Variants in CATSPERB observed in about 807,000 individuals in gnomAD.
The protein encoded by CATSPERB is catsper channel auxiliary subunit beta.
Under a neutral mutation model 128.3 loss-of-function variants are expected in CATSPERB, and 93 were observed. The ratio of observed to expected loss-of-function variants is 0.72; its 90% CI spans 0.61 to 0.86. The LOEUF (loss-of-function observed/expected upper bound fraction) is 0.86, where lower values mean the gene tolerates loss of function less well. Among genes scored for constraint, CATSPERB ranks in the 40% least tolerant of loss-of-function variants. The pLI, the probability that CATSPERB is intolerant of heterozygous loss-of-function variation, is 0.00. For synonymous variants in CATSPERB, 381 were observed against 448.8 expected (o/e 0.85, Z 1.91); for missense variants, 1,153 against 1,329.5 (o/e 0.87, Z 2.06).
chr14:91,679,956 C>T (rs533778616), intron 11 of CATSPERB, among the ~76,000 whole-genome samples: 147 of 152,260 alleles, frequency 9.7e-4, no homozygotes, highest in African/African-American at 3.4e-3. Flanking sequence ...CTAAAGAAGA[C>T]GCTGACTCTG....
At chr14:91,673,364 T>TC (rs982629636) in intron 12 of CATSPERB, among the ~76,000 whole-genome samples, 5 of 152,088 alleles carry the variant, frequency 3.3e-5, no homozygotes, top group Admixed American at 6.6e-5. Flanking sequence ...TCTGTGTAAA[T>TC]CCCCCAATTT....
chr14:91,706,525 A>G (rs1402618369), intron 6 of CATSPERB, among the ~76,000 whole-genome samples: 1 of 152,184 alleles, frequency 6.6e-6, no homozygotes, highest in Non-Finnish European at 1.5e-5. Context: ...CAGAAAAGTG[A>G]CCAATATGAA....
rs763416846 is a variant in CATSPERB, at chr14:91,693,249, A to G, written c.713-5T>C. On this transcript the variant is annotated splice_polypyrimidine_tract_variant and splice_region_variant and intron_variant, in intron 8 of 26. Coordinates refer to ENST00000256343, the MANE Select transcript of CATSPERB (RefSeq NM_024764.4). ...CCAATGAAAGGTCTTCATATTCTAAACGAAGAAATCATACCATGGATTAAA... is the reference window on the plus strand; with the variant it reads ...CCAATGAAAGGTCTTCATATTCTAAGCGAAGAAATCATACCATGGATTAAA... 1 of 1,602,114 alleles carries G rather than the reference A, an allele frequency of 6.2e-7. No individual in the cohort carries two copies. Among genetic ancestry groups the G allele is most frequent in the African/African-American group, 1.3e-5 (1 of 74,572 alleles).
intron 1 of CATSPERB, among the ~76,000 whole-genome samples, chr14:91,730,150 T>C (rs1157759350): frequency 2.6e-5 from 4 of 152,188 alleles, no homozygotes; most frequent in African/African-American, 4.8e-5. Flanking sequence ...AAGGCAATCA[T>C]GTTTGGAGAT....
At chr14:91,592,977 C>T (rs888666827) in intron 22 of CATSPERB, among the ~76,000 whole-genome samples, 10 of 152,204 alleles carry the variant, frequency 6.6e-5, no homozygotes, top group African/African-American at 2.4e-4. Flanking sequence ...GCTGCTCCAG[C>T]TGTGGCTGAA....
intron 7 of CATSPERB, among the ~76,000 whole-genome samples, chr14:91,702,532 T>C (rs1240657028): frequency 6.6e-6 from 1 of 151,952 alleles, no homozygotes; most frequent in Admixed American, 6.6e-5. Flanking sequence ...AATCTATTGC[T>C]TTATAATAAG....
At chr14:91,721,589 C>T (rs1896030868) in intron 4 of CATSPERB, among the ~76,000 whole-genome samples, 1 of 152,068 alleles carries the variant, frequency 6.6e-6, no homozygotes. Context: ...ATGGCTCATG[C>T]CTGTAATCCC....
intron 7 of CATSPERB, among the ~76,000 whole-genome samples, chr14:91,698,653 T>C (rs1895600131): frequency 6.6e-6 from 1 of 152,248 alleles, no homozygotes; most frequent in Admixed American, 6.5e-5. Flanking sequence ...GAGATCATTA[T>C]ATAGCTTTTG....
chr14:91,693,042 C>G, intron 9 of CATSPERB, 84 bp downstream of exon 9: 2 of 961,526 alleles, frequency 2.1e-6, no homozygotes, highest in Non-Finnish European at 3.2e-6. Flanking sequence ...AGATACACCA[C>G]ACATAACTCA....
intron 26 of CATSPERB, among the ~76,000 whole-genome samples, chr14:91,582,390 A>G (rs900591816): frequency 2.0e-5 from 3 of 152,208 alleles, no homozygotes; most frequent in Admixed American, 2.0e-4. Context: ...GATTTGAGCT[A>G]TTCAAAAAGC....
chr14:91,699,328 A>G (rs999677604), intron 7 of CATSPERB, among the ~76,000 whole-genome samples: 4 of 152,132 alleles, frequency 2.6e-5, no homozygotes, highest in African/African-American at 9.7e-5. Context: ...CCAGCAGTGT[A>G]TAAGCATTCC....
At chr14:91,617,882 TAG>T in intron 19 of CATSPERB, 146 bp from the exon 20 acceptor site, 2 of 595,690 alleles carry the variant, frequency 3.4e-6, no homozygotes, top group South Asian at 4.5e-5. Flanking sequence ...GCAATTTATA[TAG>T]AGTCAACTTT....
At position 91,656,283 on chromosome 14, in the gene CATSPERB, A is replaced by C. The variant is rs185934127; in HGVS notation, c.1432+3554T>G. On this transcript the variant is annotated intron_variant, in intron 15 of 26. Coordinates refer to ENST00000256343, the MANE Select transcript of CATSPERB (RefSeq NM_024764.4). ...TCATAGTAAGTACACAGAAACACACAGAATATTATAACATGTTAATTATGG... is the reference window on the plus strand; with the variant it reads ...TCATAGTAAGTACACAGAAACACACCGAATATTATAACATGTTAATTATGG... Among the ~76,000 whole-genome samples, 4 of 152,294 alleles carry C rather than the reference A, an allele frequency of 2.6e-5. No homozygotes were observed. In the East Asian group the frequency reaches 7.7e-4, roughly 29 times the overall value.
intron 17 of CATSPERB, among the ~76,000 whole-genome samples, chr14:91,629,943 G>A (rs1266999751): frequency 6.6e-6 from 1 of 152,146 alleles, no homozygotes; most frequent in East Asian, 1.9e-4. Context: ...AGAAAACACT[G>A]CAAAAAGACA....
intron 16 of CATSPERB, among the ~76,000 whole-genome samples, chr14:91,637,513 G>C (rs892695160): frequency 1.3e-5 from 2 of 152,298 alleles, no homozygotes; most frequent in East Asian, 3.9e-4. Context: ...GTGTATGCAA[G>C]TCCAATGAAA....
intron 25 of CATSPERB, 54 bp from the exon 26 acceptor site, chr14:91,587,330 A>T: frequency 7.6e-7 from 1 of 1,320,492 alleles, no homozygotes; most frequent in Non-Finnish European, 1.1e-6. Context: ...ACATTCCTTT[A>T]AGTATTAATA....
intron 11 of CATSPERB, among the ~76,000 whole-genome samples, chr14:91,679,645 G>A (rs1295278989): frequency 1.3e-5 from 2 of 152,116 alleles, no homozygotes; most frequent in Non-Finnish European, 2.9e-5. Context: ...TTGGTTAGAT[G>A]AATATTGTTT....
chr14:91,629,563 C>T (rs1428002977), intron 17 of CATSPERB, among the ~76,000 whole-genome samples: 2 of 152,098 alleles, frequency 1.3e-5, no homozygotes, highest in East Asian at 3.8e-4. Flanking sequence ...TGAGCTGTAA[C>T]AAATGTACCA....
chr14:91,624,353 A>C (rs889051061), intron 18 of CATSPERB, among the ~76,000 whole-genome samples: 2 of 152,242 alleles, frequency 1.3e-5, no homozygotes, highest in Non-Finnish European at 2.9e-5. Context: ...GCGTGGCAGC[A>C]TGCGCCTGCA....
Sources: allele counts gnomAD v4.1 joint callset (sites outside exome capture counted in the v4.1 genomes callset), GRCh38; gene constraint gnomAD v4.1.1; transcripts MANE v1.5; gene names NCBI Gene and HGNC (gene_info 2026-07-23, HGNC 2026-07-21).